Variants in FBN2 observed in about 807,000 individuals in gnomAD.
FBN2 encodes the protein fibrillin-2.
FBN2 carries 105 observed loss-of-function variants against 355.6 expected under a neutral mutation model. The observed-to-expected ratio is 0.30, with a 90% confidence interval of 0.25 to 0.35. The LOEUF (loss-of-function observed/expected upper bound fraction) is 0.35. FBN2 is among the 10% of genes least tolerant of loss of function. FBN2 has a pLI of 1.00. For synonymous variants in FBN2, 1,350 were observed against 1,301.2 expected (o/e 1.04, Z -0.81); for missense variants, 3,280 against 3,758.7 (o/e 0.87, Z 3.33).
chr5:128,299,475 C>T (rs142757265), intron 48 of FBN2, among the ~76,000 whole-genome samples: 6 of 148,242 alleles, frequency 4.0e-5, no homozygotes, highest in Non-Finnish European at 7.5e-5. Flanking sequence ...ATCAGTGAGA[C>T]TCCATGGGCA....
At chr5:128,522,464 C>T (rs767549852) in intron 4 of FBN2, among the ~76,000 whole-genome samples, 12 of 152,164 alleles carry the variant, frequency 7.9e-5, no homozygotes, top group Non-Finnish European at 1.6e-4. Context: ...CCCCTACAGA[C>T]GTTTGAGGAC....
At chr5:128,420,812 T>G (rs532922693) in intron 7 of FBN2, among the ~76,000 whole-genome samples, 31 of 152,314 alleles carry the variant, frequency 2.0e-4, no homozygotes, top group Admixed American at 1.4e-3. Flanking sequence ...TAATTGCTAA[T>G]TAAAAAGGCC....
chr5:128,330,846 C>A, intron 32 of FBN2, 151 bp from the exon 33 acceptor site: 2 of 881,710 alleles, frequency 2.3e-6, no homozygotes, highest in Non-Finnish European at 3.6e-6. Context: ...AGCTCTCAGA[C>A]CCAATGTCCA....
At chr5:128,271,753 A>G (rs1323010141) in intron 62 of FBN2, among the ~76,000 whole-genome samples, 1 of 152,198 alleles carries the variant, frequency 6.6e-6, no homozygotes, top group Non-Finnish European at 1.5e-5. Flanking sequence ...CTTAGCAGAT[A>G]TTTAAAATGA....
At chr5:128,361,336 G>A (rs1005660810) in intron 19 of FBN2, among the ~76,000 whole-genome samples, 2 of 152,168 alleles carry the variant, frequency 1.3e-5, no homozygotes, top group African/African-American at 4.8e-5. Context: ...ATGCCTAAGA[G>A]TTAACTTTTC....
intron 5 of FBN2, among the ~76,000 whole-genome samples, chr5:128,481,025 C>G (rs1173602877): frequency 6.6e-6 from 1 of 152,146 alleles, no homozygotes; most frequent in Non-Finnish European, 1.5e-5. Context: ...TATACTTCCT[C>G]ACGGAGTTAT....
intron 25 of FBN2, 177 bp from the exon 26 acceptor site, chr5:128,339,238 T>G: frequency 1.6e-6 from 1 of 610,764 alleles, no homozygotes; most frequent in Non-Finnish European, 2.9e-6. Flanking sequence ...TTTCCCCAAC[T>G]GCCAAAACTG....
chr5:128,483,573 C>T (rs184516320), intron 5 of FBN2, among the ~76,000 whole-genome samples: 172 of 151,902 alleles, frequency 1.1e-3, no homozygotes, highest in Middle Eastern at 0.01. Flanking sequence ...GGGCAGCAGA[C>T]TCAGGAAAGC....
chr5:128,495,994 AT>A (rs1168076458), intron 5 of FBN2, among the ~76,000 whole-genome samples: 1 of 152,128 alleles, frequency 6.6e-6, no homozygotes, highest in African/African-American at 2.4e-5. Context: ...TTAATGAGTA[AT>A]TATTTTCTAA....
At chr5:128,426,191 T>C (rs1753478195) in intron 7 of FBN2, among the ~76,000 whole-genome samples, 1 of 152,150 alleles carries the variant, frequency 6.6e-6, no homozygotes. Context: ...TGAACCTCAT[T>C]AGGACCACAC....
chr5:128,443,299 A>C (rs1753971284), intron 7 of FBN2, among the ~76,000 whole-genome samples: 1 of 152,242 alleles, frequency 6.6e-6, no homozygotes, highest in Non-Finnish European at 1.5e-5. Context: ...TTTGAGGAAG[A>C]CCAGTAGCTT....
chr5:128,396,064 T>G (rs2126982741), intron 8 of FBN2, among the ~76,000 whole-genome samples: 1 of 152,174 alleles, frequency 6.6e-6, no homozygotes, highest in Admixed American at 6.5e-5. Flanking sequence ...TGATGGTGGC[T>G]TTGATGAGGG....
At chr5:128,307,306 A>G (rs1004311136) in intron 41 of FBN2, 103 bp from the exon 42 acceptor site, 1 of 774,602 alleles carries the variant, frequency 1.3e-6, no homozygotes, top group South Asian at 1.4e-5. Flanking sequence ...CATTATTCAC[A>G]ACCAGACATT....
chr5:128,519,998 C>T (rs1015910754), intron 4 of FBN2, among the ~76,000 whole-genome samples: 1 of 151,860 alleles, frequency 6.6e-6, no homozygotes, highest in Admixed American at 6.6e-5. Context: ...AGACTATTTG[C>T]AGGTCATAGA....
At chr5:128,366,277 C>T in intron 17 of FBN2, 100 bp downstream of exon 17, 1 of 600,562 alleles carries the variant, frequency 1.7e-6, no homozygotes. Context: ...TTTTATAATA[C>T]TACATTTTCA....
At chr5:128,298,599 G>C (rs550638768) in intron 48 of FBN2, among the ~76,000 whole-genome samples, 2 of 151,754 alleles carry the variant, frequency 1.3e-5, no homozygotes, top group South Asian at 4.2e-4. Context: ...ATCTTCCATC[G>C]CTGATACCCT....
At chr5:128,379,611 G>A (rs1020128147) in intron 11 of FBN2, among the ~76,000 whole-genome samples, 1 of 152,000 alleles carries the variant, frequency 6.6e-6, no homozygotes, top group Non-Finnish European at 1.5e-5. Flanking sequence ...TCCATTCAAG[G>A]TCTCCTAAAG....
chr5:128,418,033 T>A (rs1753249816), intron 7 of FBN2, among the ~76,000 whole-genome samples: 1 of 152,158 alleles, frequency 6.6e-6, no homozygotes, highest in African/African-American at 2.4e-5. Context: ...GGTTTTCAAT[T>A]TCTTCCTGAT....
intron 9 of FBN2, among the ~76,000 whole-genome samples, chr5:128,394,654 G>A (rs1302517968): frequency 6.6e-6 from 1 of 152,140 alleles, no homozygotes; most frequent in African/African-American, 2.4e-5. Flanking sequence ...TTTGTCTGAT[G>A]TTACTAAATT....
Sources: allele counts gnomAD v4.1 joint callset (sites outside exome capture counted in the v4.1 genomes callset), GRCh38; gene constraint gnomAD v4.1.1; transcripts MANE v1.5; gene names NCBI Gene and HGNC (gene_info 2026-07-23, HGNC 2026-07-21).